Variants in POTEB2 observed in about 807,000 individuals in gnomAD.
The protein encoded by POTEB2 is POTE ankyrin domain family, member B2.
Under a neutral mutation model 1.8 loss-of-function variants are expected in POTEB2, and 1 was observed. The observed-to-expected ratio is 0.55, with a 90% CI of 0.20 to 2.62. The LOEUF is 2.62. POTEB2 is among the 30% of genes most tolerant of loss of function. POTEB2 has a pLI of 0.24.
chr15:20,839,871 TATATATATATATATATATATATATATATA>T (rs1889422944), intron 9 of POTEB2, among the ~76,000 whole-genome samples: 2 of 424 alleles, frequency 4.7e-3, no homozygotes, highest in African/African-American at 0.022. Context: ...AAGAAAATTA[TATATATATATATATATATATATATATATA>T]TATATATATA....
At chr15:20,839,312 A>C (rs1363016854) in intron 9 of POTEB2, among the ~76,000 whole-genome samples, 1 of 93,470 alleles carries the variant, frequency 1.1e-5, no homozygotes, top group Non-Finnish European at 2.0e-5. Context: ...AACCACTTAT[A>C]CAATGGGGAA....
chr15:20,860,443 A>C (rs1293353342), intron 3 of POTEB2, among the ~76,000 whole-genome samples: 7 of 47,066 alleles, frequency 1.5e-4, no homozygotes, highest in Admixed American at 2.4e-4. Flanking sequence ...ACACACAAAC[A>C]AAAACAAAAA....
chr15:20,858,351 C>CCTG, intron 3 of POTEB2, 134 bp from the exon 4 acceptor site: 1 of 127,084 alleles, frequency 7.9e-6, no homozygotes, highest in Non-Finnish European at 1.4e-5. Context: ...CTCTTCTGTA[C>CCTG]TTTCCCACAT....
intron 9 of POTEB2, among the ~76,000 whole-genome samples, chr15:20,839,920 A>ATATATG (rs1555393684): frequency 9.4e-6 from 1 of 106,342 alleles, no homozygotes; most frequent in Non-Finnish European, 1.8e-5. Flanking sequence ...ATATATATAT[A>ATATATG]TATGTATGTA....
At chr15:20,860,427 A>G (rs1211472965) in intron 3 of POTEB2, among the ~76,000 whole-genome samples, 2 of 47,406 alleles carry the variant, frequency 4.2e-5, no homozygotes, top group Non-Finnish European at 7.5e-5. Flanking sequence ...ACACACACAC[A>G]CACACACACA....
At chr15:20,836,327 A>T in intron 10 of POTEB2, among the ~76,000 whole-genome samples, 1 of 56,080 alleles carries the variant, frequency 1.8e-5, no homozygotes, top group African/African-American at 6.9e-5. Flanking sequence ...GTTGCAGTGA[A>T]CTGAGTTTGT....
chr15:20,839,139 C>T (rs1234222832), intron 9 of POTEB2, among the ~76,000 whole-genome samples: 8 of 80,784 alleles, frequency 9.9e-5, no homozygotes, highest in African/African-American at 3.8e-4. Flanking sequence ...ATGGCCTAAA[C>T]CTAAGACCAG....
intron 6 of POTEB2, among the ~76,000 whole-genome samples, chr15:20,852,624 G>GAA (rs1889559871): frequency 3.7e-5 from 1 of 27,014 alleles, no homozygotes; most frequent in Non-Finnish European, 6.4e-5. Flanking sequence ...TCTTTACCTA[G>GAA]AAAAATTCTT....
At position 20,860,821 on chromosome 15, in the gene POTEB2, A is replaced by T. The variant is rs878920568; in HGVS notation, c.699+221T>A. The stretch of plus-strand genomic sequence containing the variant: ...TACAAATTCAGTGTTTTTTTTTTTT[A>T]AAAAGCATTAACCACAAGTGCACTG... On this transcript the variant is annotated intron_variant, in intron 3 of 10. Transcript: ENST00000454856. Among the ~76,000 whole-genome samples, 10 of 34,730 alleles carry T rather than the reference A, an allele frequency of 2.9e-4. 3 individuals are homozygous for T. Among genetic ancestry groups the T allele is most frequent in the African/African-American group, 5.0e-4 (2 of 3,968 alleles). The allele number at this position is 34,730 out of a possible 152,430, so 22.8% of individuals were successfully genotyped here. A position where few individuals can be genotyped will look rare whatever the true frequency, so the allele number is the denominator to read the frequency against.
At chr15:20,836,345 C>T (rs1332233910) in intron 10 of POTEB2, among the ~76,000 whole-genome samples, 2 of 60,382 alleles carry the variant, frequency 3.3e-5, no homozygotes, top group East Asian at 9.9e-4. Flanking sequence ...TGTGCCATTG[C>T]ACTCCAGCGT....
chr15:20,839,069 A>C (rs945374324), intron 9 of POTEB2, among the ~76,000 whole-genome samples: 8 of 33,938 alleles, frequency 2.4e-4, no homozygotes, highest in African/African-American at 1.6e-3. Flanking sequence ...AGTCACATAT[A>C]GAAGAATAAA....
chr15:20,839,931 T>TAC (rs1889435877), intron 9 of POTEB2, among the ~76,000 whole-genome samples: 1 of 107,084 alleles, frequency 9.3e-6, no homozygotes. Context: ...TATGTATGTA[T>TAC]GTATACCTGA....
chr15:20,860,472 T>C, intron 3 of POTEB2, among the ~76,000 whole-genome samples: 1 of 33,426 alleles, frequency 3.0e-5, no homozygotes, highest in Non-Finnish European at 5.1e-5. Flanking sequence ...AAAAAAAACC[T>C]CTTCATGGTC....
At chr15:20,839,868 TTATATATATATATATA>T (rs749566271) in intron 9 of POTEB2, among the ~76,000 whole-genome samples, 1 of 10,970 alleles carries the variant, frequency 9.1e-5, no homozygotes, top group African/African-American at 5.5e-4. Context: ...ATAAAGAAAA[TTATATATATATATATA>T]TATATATATA....
chr15:20,839,307 C>A (rs1889410576), intron 9 of POTEB2, among the ~76,000 whole-genome samples: 1 of 97,134 alleles, frequency 1.0e-5, no homozygotes, highest in African/African-American at 4.8e-5. Flanking sequence ...GAGCCAACCA[C>A]TTATACAATG....
chr15:20,836,386 C>CACACACAT lies in POTEB2; in HGVS notation c.1423-784_1423-783insATGTGTGT, dbSNP rs1555393615. 4.2e-3 allele frequency among the ~76,000 whole-genome samples: 236 copies of CACACACAT among 56,854 alleles called. 1 individual carries two copies. The highest frequency in any genetic ancestry group is 0.01 in the South Asian group (9 of 900). 37.3% of individuals were successfully genotyped at this position (56,854 alleles called of 152,430 possible). On this transcript the variant is annotated intron_variant, in intron 10 of 10. Transcript: ENST00000454856. ...ACAGTGCAAGACTCCATCTAGAATACACACACACACACACACACACACACA... is the reference window on the plus strand; with the variant it reads ...ACAGTGCAAGACTCCATCTAGAATACACACACATACACACACACACACACACACACACA...
Position 20,860,785 on chromosome 15 carries a change from G to T in POTEB2, c.699+257C>A, listed in dbSNP as rs1162856508. Among the ~76,000 whole-genome samples the T allele has an allele frequency of 9.6e-5, 3 of 31,152 alleles. 1 individual carries two copies. The highest frequency in any genetic ancestry group is 1.4e-4 in the Non-Finnish European group (3 of 20,698). 20.4% of individuals were successfully genotyped at this position (31,152 alleles called of 152,430 possible). A position where few individuals can be genotyped will look rare whatever the true frequency, so the allele number is the denominator to read the frequency against. On this transcript the variant is annotated intron_variant, in intron 3 of 10. Coordinates refer to ENST00000454856, the MANE Select transcript of POTEB2 (RefSeq NM_001277303.1). ...CAGGGAAAAATTGAAAAAAAAAAAAGTATTACCTTTTACAAATTCAGTGTT... is the reference window on the plus strand; with the variant it reads ...CAGGGAAAAATTGAAAAAAAAAAAATTATTACCTTTTACAAATTCAGTGTT...
intron 10 of POTEB2, among the ~76,000 whole-genome samples, chr15:20,836,418 T>C (rs868385805): frequency 0.052 from 4,118 of 79,510 alleles, 447 homozygotes; most frequent in African/African-American, 0.18. Flanking sequence ...CACACACACA[T>C]ATATATATGC....
At chr15:20,839,468 A>G (rs1889414438) in intron 9 of POTEB2, among the ~76,000 whole-genome samples, 1 of 39,662 alleles carries the variant, frequency 2.5e-5, no homozygotes, top group Non-Finnish European at 4.1e-5. Flanking sequence ...AGATGTACAA[A>G]TGGTGAACAA....
Sources: gnomAD v4.1 joint callset for allele counts (sites outside exome capture counted in the v4.1 genomes callset) on GRCh38, gnomAD v4.1.1 for gene constraint, MANE v1.5 for transcripts, NCBI Gene and HGNC (gene_info 2026-07-23, HGNC 2026-07-21) for gene names.